SOX5: variants seen among roughly 807,000 people sequenced by gnomAD.
The protein encoded by SOX5 is transcription factor SOX-5.
Under a neutral mutation model 92.0 loss-of-function variants are expected in SOX5, and 9 were observed. The observed-to-expected ratio is 0.10, with a 90% CI of 0.06 to 0.17. The LOEUF is 0.17. Ranked by LOEUF, SOX5 falls within the 10% of genes least tolerant of loss-of-function variation. The pLI, the probability that SOX5 is intolerant of heterozygous loss-of-function variation, is 1.00. For synonymous variants in SOX5, 344 were observed against 336.3 expected (o/e 1.02, Z -0.25); for missense variants, 642 against 944.5 (o/e 0.68, Z 4.20).
chr12:23,799,015 G>T (rs1176937504), intron 3 of SOX5, among the ~76,000 whole-genome samples: 1 of 151,834 alleles, frequency 6.6e-6, no homozygotes, highest in Non-Finnish European at 1.5e-5. Context: ...TACTATAATT[G>T]GAAGACTTCT....
chr12:23,724,796 C>T (rs1046215656), intron 6 of SOX5, among the ~76,000 whole-genome samples: 2 of 152,092 alleles, frequency 1.3e-5, no homozygotes, highest in Non-Finnish European at 2.9e-5. Flanking sequence ...ATAACCAGTG[C>T]AAATGCCCTG....
chr12:23,882,326 A>G (rs533260629), intron 2 of SOX5, among the ~76,000 whole-genome samples: 43 of 151,942 alleles, frequency 2.8e-4, no homozygotes, highest in African/African-American at 9.9e-4. Context: ...CTGAATGAAA[A>G]GGAATTTTAA....
At chr12:23,637,423 C>T (rs867021870) in intron 8 of SOX5, among the ~76,000 whole-genome samples, 1 of 152,152 alleles carries the variant, frequency 6.6e-6, no homozygotes, top group Admixed American at 6.5e-5. Flanking sequence ...AGACAGCACC[C>T]ATACCACCAA....
chr12:24,082,019 A>G (rs150955663), intron 4 of SOX5, among the ~76,000 whole-genome samples: 4 of 152,078 alleles, frequency 2.6e-5, no homozygotes, highest in East Asian at 3.9e-4. Flanking sequence ...CTGTTATTCA[A>G]ACTTACTTTG....
intron 2 of SOX5, among the ~76,000 whole-genome samples, chr12:24,344,862 A>T (rs577010900): frequency 2.0e-5 from 3 of 152,306 alleles, no homozygotes; most frequent in Non-Finnish European, 4.4e-5. Context: ...ATGTACTCTT[A>T]TCAGCAAATG....
chr12:23,818,590 A>G (rs913232476), intron 3 of SOX5, among the ~76,000 whole-genome samples: 1 of 151,964 alleles, frequency 6.6e-6, no homozygotes, highest in Non-Finnish European at 1.5e-5. Flanking sequence ...TATAACAAAT[A>G]TTTTTCTTCA....
At chr12:24,333,530 A>G (rs1424398538) in intron 2 of SOX5, among the ~76,000 whole-genome samples, 1 of 152,044 alleles carries the variant, frequency 6.6e-6, no homozygotes, top group African/African-American at 2.4e-5. Flanking sequence ...TCACATCAGT[A>G]TGATCATTTT....
chr12:24,003,777 T>TTTG (rs1167372485), intron 4 of SOX5, among the ~76,000 whole-genome samples: 2 of 151,706 alleles, frequency 1.3e-5, no homozygotes, highest in African/African-American at 4.8e-5. Context: ...AGGTTTTTTT[T>TTTG]TTGGAAAAAA....
intron 4 of SOX5, among the ~76,000 whole-genome samples, chr12:24,168,077 A>T (rs1953637679): frequency 6.6e-6 from 1 of 152,192 alleles, no homozygotes; most frequent in African/African-American, 2.4e-5. Flanking sequence ...GGAAACAGGG[A>T]TGCATTTCTG....
Position 23,927,437 on chromosome 12 carries a change from G to A in SOX5, c.38+22127C>T, listed in dbSNP as rs368377105. 4.8e-4 allele frequency among the ~76,000 whole-genome samples: 73 copies of A among 151,084 alleles called. 1 individual carries two copies. Among genetic ancestry groups the A allele is most frequent in the Middle Eastern group, 6.8e-3 (2 of 294 alleles). ...TTTTATCTCCCTCTCTTTCATTCTC[G>A]CTTTATATACACACATACATACATA... On this transcript the variant is annotated intron_variant, in intron 1 of 14. Coordinates refer to ENST00000451604, the MANE Select transcript of SOX5 (RefSeq NM_006940.6).
intron 1 of SOX5, among the ~76,000 whole-genome samples, chr12:24,384,558 C>A (rs956623093): frequency 1.3e-5 from 2 of 152,162 alleles, no homozygotes; most frequent in African/African-American, 4.8e-5. Context: ...AGAAAAAAAT[C>A]TTATGCAGAG....
chr12:24,043,325 T>C (rs1461541749), intron 4 of SOX5, among the ~76,000 whole-genome samples: 1 of 152,188 alleles, frequency 6.6e-6, no homozygotes, highest in East Asian at 1.9e-4. Flanking sequence ...CGCGTAAGCA[T>C]TGAGAACACC....
At chr12:23,999,160 GTGTGTGTGTGTGTGTGTA>G (rs1031513922) in intron 4 of SOX5, among the ~76,000 whole-genome samples, 5 of 150,934 alleles carry the variant, frequency 3.3e-5, no homozygotes, top group South Asian at 2.1e-4. Flanking sequence ...GTGTGTGTGT[GTGTGTGTGTGTGTGTGTA>G]CCATTGCTTC....
At chr12:24,168,164 G>A (rs1187693711) in intron 4 of SOX5, among the ~76,000 whole-genome samples, 1 of 152,178 alleles carries the variant, frequency 6.6e-6, no homozygotes, top group Non-Finnish European at 1.5e-5. Flanking sequence ...GAATAAGACA[G>A]TCTAAACTTG....
intron 4 of SOX5, among the ~76,000 whole-genome samples, chr12:24,057,080 T>G (rs1324187223): frequency 6.6e-6 from 1 of 151,666 alleles, no homozygotes; most frequent in South Asian, 2.1e-4. Context: ...TAAGGCCTTA[T>G]TCAGAGGGAG....
intron 1 of SOX5, among the ~76,000 whole-genome samples, chr12:24,512,162 A>G (rs1350952452): frequency 1.3e-5 from 2 of 152,204 alleles, no homozygotes; most frequent in Non-Finnish European, 2.9e-5. Flanking sequence ...AAACATGTAG[A>G]CCTTCCTCTA....
chr12:24,424,290 G>C (rs75769111), intron 1 of SOX5, among the ~76,000 whole-genome samples: 1,637 of 152,120 alleles, frequency 0.011, 12 homozygotes, highest in Middle Eastern at 0.017. Flanking sequence ...CCCAATTATC[G>C]TAAGATTAGG....
chr12:23,994,223 G>C (rs558398372), intron 4 of SOX5, among the ~76,000 whole-genome samples: 1 of 152,142 alleles, frequency 6.6e-6, no homozygotes, highest in South Asian at 2.1e-4. Context: ...AAGACACATA[G>C]AAATACTAAA....
At chr12:24,405,366 G>A (rs186776907) in intron 1 of SOX5, among the ~76,000 whole-genome samples, 2 of 152,218 alleles carry the variant, frequency 1.3e-5, no homozygotes, top group Admixed American at 1.3e-4. Flanking sequence ...CAGCCAAGTA[G>A]CTATACTCTT....
Sources: gnomAD v4.1 joint callset for allele counts (sites outside exome capture counted in the v4.1 genomes callset) on GRCh38, gnomAD v4.1.1 for gene constraint, MANE v1.5 for transcripts, NCBI Gene and HGNC (gene_info 2026-07-23, HGNC 2026-07-21) for gene names.